RFC3: variants seen among roughly 807,000 people sequenced by gnomAD.
RFC3 encodes A1 38 kDa subunit.
A neutral mutation model predicts 45.1 loss-of-function variants in RFC3; 41 were observed. The ratio of observed to expected loss-of-function variants is 0.91; its 90% CI spans 0.71 to 1.18. The LOEUF (loss-of-function observed/expected upper bound fraction) is 1.18, where lower values mean the gene tolerates loss of function less well. Ranked by LOEUF, RFC3 falls within the 50% of genes most tolerant of loss-of-function variation. The pLI is 0.00. For missense variants in RFC3, 423 were observed against 428.1 expected (o/e 0.99, Z 0.10); for synonymous variants, 149 against 144.0 (o/e 1.03, Z -0.25).
At chr13:33,890,016 G>A (rs2082553682) in intron 8 of RFC3, among the ~76,000 whole-genome samples, 1 of 152,138 alleles carries the variant, frequency 6.6e-6, no homozygotes, top group South Asian at 2.1e-4. Flanking sequence ...CAACGGTCCT[G>A]ACTTCATGGA....
intron 2 of RFC3, among the ~76,000 whole-genome samples, chr13:33,821,825 C>T (rs1345338467): frequency 1.3e-5 from 2 of 152,188 alleles, no homozygotes; most frequent in African/African-American, 4.8e-5. Flanking sequence ...GAAATGTATC[C>T]TTCCTTTTCA....
rs141868689 is a variant in RFC3 at position 33,928,618 on chromosome 13, T to C, written c.880-37469T>C. Reference sequence around the variant, plus strand: ...CCTTGCCTCTTCCCAACTCTAACTTTAGAAGAGGCTGCATAGGTGGATGTG... The same window carrying C: ...CCTTGCCTCTTCCCAACTCTAACTTCAGAAGAGGCTGCATAGGTGGATGTG... On this transcript the variant is annotated intron_variant, in intron 8 of 8. Transcript: ENST00000434425. Among the ~76,000 whole-genome samples, 49 of 152,280 alleles carry C rather than the reference T, an allele frequency of 3.2e-4. No individual in the cohort carries two copies. In the East Asian group the frequency reaches 8.7e-3, roughly 27 times the overall value.
intron 8 of RFC3, among the ~76,000 whole-genome samples, chr13:33,916,283 G>A (rs1342524508): frequency 6.6e-6 from 1 of 152,042 alleles, no homozygotes; most frequent in Non-Finnish European, 1.5e-5. Flanking sequence ...TTCCAAAACT[G>A]TTTTCCTTAA....
chr13:33,831,183 T>G (rs1437627243), intron 6 of RFC3, 73 bp from the exon 7 acceptor site: 4 of 921,300 alleles, frequency 4.3e-6, no homozygotes, highest in Non-Finnish European at 7.1e-6. Flanking sequence ...CACGGACCAG[T>G]GGTTGGGGAC....
chr13:33,818,280 G>T lies in RFC3; in HGVS notation c.87+15G>T. ...TGCGGAACCTGGTGAGTCTGCGGGG[G>T]CCGGGAGCGTGGGAGAGGGGAGGCC... On this transcript the variant is annotated intron_variant, in intron 1 of 8. Transcript: ENST00000380071. 1 of 1,611,650 alleles carries T rather than the reference G, an allele frequency of 6.2e-7. No individual in the cohort carries two copies. Among genetic ancestry groups the T allele is most frequent in the South Asian group, 1.1e-5 (1 of 90,994 alleles).
At chr13:33,838,084 A>C (rs2082171301), downstream of RFC3, among the ~76,000 whole-genome samples, 1 of 152,106 alleles carries the variant, frequency 6.6e-6, no homozygotes, top group African/African-American at 2.4e-5. Flanking sequence ...CTCCCTCCAT[A>C]ATTATGCATC....
chr13:33,826,833 A>T (rs1415263364), intron 4 of RFC3, among the ~76,000 whole-genome samples: 1 of 151,896 alleles, frequency 6.6e-6, no homozygotes, highest in Non-Finnish European at 1.5e-5. Flanking sequence ...TTCTTCTCTA[A>T]TTATGTTGGC....
chr13:33,844,634 CAAAAACTAACAGA>C (rs2139451304), intron 8 of RFC3, among the ~76,000 whole-genome samples: 2 of 152,256 alleles, frequency 1.3e-5, no homozygotes, highest in South Asian at 4.1e-4. Context: ...ACACTAATTT[CAAAAACTAACAGA>C]GAAAACTAAT....
rs80244100 is a variant in RFC3 at position 33,914,397 on chromosome 13, T to C, written c.880-51690T>C. 5.3e-3 allele frequency among the ~76,000 whole-genome samples: 813 copies of C among 152,260 alleles called. 8 individuals carry two copies. Among genetic ancestry groups the C allele is most frequent in the African/African-American group, 0.019 (777 of 41,574 alleles). ...ATGCAAACTTTCTTCTTCCATACTC[T>C]ACCTTCTTCCTCCACTTTGCTCCTA... On this transcript the variant is annotated intron_variant, in intron 8 of 8. Transcript: ENST00000434425.
At chr13:33,850,237 G>A (rs2082267806) in intron 8 of RFC3, 1 of 151,940 alleles carries the variant, frequency 6.6e-6, no homozygotes, top group Non-Finnish European at 1.5e-5. Context: ...TTTAAATTGT[G>A]GAGATGAGAA....
chr13:33,872,378 T>A (rs1356724393), intron 8 of RFC3, among the ~76,000 whole-genome samples: 2 of 152,184 alleles, frequency 1.3e-5, no homozygotes, highest in African/African-American at 2.4e-5. Flanking sequence ...AGTAAAAATA[T>A]TTACAACTTA....
At chr13:33,855,710 C>CAA (rs1253845404) in intron 8 of RFC3, among the ~76,000 whole-genome samples, 4 of 152,094 alleles carry the variant, frequency 2.6e-5, no homozygotes, top group African/African-American at 4.8e-5. Context: ...CTTTGATTTA[C>CAA]ATTTCTTTCA....
intron 8 of RFC3, among the ~76,000 whole-genome samples, chr13:33,908,607 TACACACACACACACACACACACAC>T (rs71074991): frequency 7.0e-6 from 1 of 142,602 alleles, no homozygotes; most frequent in Non-Finnish European, 1.5e-5. Context: ...ACACAGGAGA[TACACACACACACACACACACACAC>T]ACACACACAC....
chr13:33,958,355 G>T (rs928984485), intron 8 of RFC3, among the ~76,000 whole-genome samples: 3 of 152,168 alleles, frequency 2.0e-5, no homozygotes, highest in African/African-American at 7.2e-5. Flanking sequence ...ATAGACCCAT[G>T]CCCCAGGAGC....
intron 8 of RFC3, among the ~76,000 whole-genome samples, chr13:33,895,146 A>G (rs1275042759): frequency 6.6e-6 from 1 of 151,990 alleles, no homozygotes; most frequent in East Asian, 1.9e-4. Flanking sequence ...AAACAAAAAT[A>G]ATGGGACCTA....
At chr13:33,847,932 A>T (rs761220196) in intron 8 of RFC3, 2 of 152,166 alleles carry the variant, frequency 1.3e-5, no homozygotes, top group African/African-American at 4.8e-5. Context: ...CTCACTTTAC[A>T]GGCTTTTTCT....
chr13:33,940,949 G>A (rs1411358867), intron 8 of RFC3, among the ~76,000 whole-genome samples: 3 of 152,198 alleles, frequency 2.0e-5, no homozygotes, highest in African/African-American at 7.2e-5. Flanking sequence ...ACAGCCAAAT[G>A]CCTGGGCAGA....
chr13:33,906,885 G>T (rs776688267), intron 8 of RFC3, among the ~76,000 whole-genome samples: 1 of 152,148 alleles, frequency 6.6e-6, no homozygotes, highest in East Asian at 1.9e-4. Flanking sequence ...CTGGAGTGCA[G>T]TGAAGTAATC....
intron 2 of RFC3, among the ~76,000 whole-genome samples, chr13:33,822,527 CAG>C (rs1325391739): frequency 6.6e-6 from 1 of 152,036 alleles, no homozygotes; most frequent in Non-Finnish European, 1.5e-5. Context: ...GTAAATAAAA[CAG>C]TATTATATTG....
Sources: allele counts gnomAD v4.1 joint callset (sites outside exome capture counted in the v4.1 genomes callset), GRCh38; gene constraint gnomAD v4.1.1; transcripts MANE v1.5; gene names NCBI Gene and HGNC (gene_info 2026-07-23, HGNC 2026-07-21).